Variants in JADE2 observed in about 807,000 individuals in gnomAD.
JADE2 encodes the protein jade family PHD finger 2.
JADE2 carries 13 observed loss-of-function variants against 85.7 expected under a neutral mutation model. The ratio of observed to expected loss-of-function variants is 0.15; its 90% CI spans 0.10 to 0.24. The LOEUF (loss-of-function observed/expected upper bound fraction) is 0.24. JADE2 is among the 10% of genes least tolerant of loss of function. The probability of loss-of-function intolerance (pLI) is 1.00; values close to 1 mark genes in which losing one functional copy is unlikely to be tolerated. For missense variants in JADE2, 846 were observed against 1,115.9 expected, an observed-to-expected ratio of 0.76 and a Z score of 3.45; for synonymous variants, 440 against 456.1, an observed-to-expected ratio of 0.96 and a Z score of 0.45.
upstream of JADE2, among the ~76,000 whole-genome samples, chr5:134,524,967 A>G (rs1356435847): frequency 6.6e-6 from 1 of 152,048 alleles, no homozygotes; most frequent in Non-Finnish European, 1.5e-5. Context: ...AGCGATTCAG[A>G]AGCAGGGCCT....
At chr5:134,568,541 C>T (rs1444081245) in intron 9 of JADE2, among the ~76,000 whole-genome samples, 3 of 152,182 alleles carry the variant, frequency 2.0e-5, no homozygotes, top group African/African-American at 7.2e-5. Context: ...CAGGTGTGAA[C>T]CGTCCCACTC....
rs202238589 is a variant in JADE2, at chr5:134,579,294, C to T, written c.2482C>T (p.Arg828Cys). 29 of 1,609,464 alleles carry T rather than the reference C, an allele frequency of 1.8e-5. No homozygotes were observed. The East Asian group carries it at 2.2e-4, about 12-fold the overall frequency. Residue 828 changes from arginine to cysteine, a missense_variant, in exon 12 of 12, where the codon CGC becomes TGC. Physicochemically the swap from Arg to Cys is radical, Grantham distance 180. Transcript: ENST00000681547. The surrounding 1 kb of genome is among the most constrained non-coding windows in gnomAD (Gnocchi z 4.6). ...PREAGAEEVV[R>C]MGVLAS is the part of the protein sequence containing the mutation. ...GGAGGCAGGGGCAGAGGAGGTGGTC[C>T]GCATGGGCGTACTGGCCTCCTAACT... is the stretch of plus-strand genomic sequence containing the variant.
At position 134,583,128 on chromosome 5, in the gene JADE2, GGGCTTCCAGACCCC is replaced by G. The variant is rs1361078823; in HGVS notation, c.*3815_*3828del. ...CCCATCCTGTCCTGCTCACTCATGG[GGGCTTCCAGACCCC>G]GGCCCCACCAGGGCTTGTGTCATAG... On this transcript the variant is annotated 3_prime_UTR_variant, in exon 12 of 12. Coordinates refer to ENST00000681547, the MANE Select transcript of JADE2 (RefSeq NM_001388185.1). 2 of 152,656 alleles carry G rather than the reference GGGCTTCCAGACCCC, an allele frequency of 1.3e-5. No individual in the cohort carries two copies. Among genetic ancestry groups the G allele is most frequent in the Non-Finnish European group, 2.9e-5 (2 of 68,082 alleles). 9.5% of individuals were successfully genotyped at this position (152,656 alleles called of 1,614,324 possible). A position where few individuals can be genotyped will look rare whatever the true frequency, so the allele number is the denominator to read the frequency against.
intron 4 of JADE2, among the ~76,000 whole-genome samples, chr5:134,557,268 A>ATTTTTTTTTTTTTTTTT (rs59125974): frequency 7.3e-6 from 1 of 137,902 alleles, no homozygotes; most frequent in South Asian, 2.3e-4. Flanking sequence ...TTATTTTTTT[A>ATTTTTTTTTTTTTTTTT]TTTTTTTTTT....
chr5:134,555,886 G>A (rs769756493), intron 4 of JADE2, among the ~76,000 whole-genome samples: 16 of 152,186 alleles, frequency 1.1e-4, no homozygotes, highest in Non-Finnish European at 2.2e-4. Flanking sequence ...CTTCCTTCAT[G>A]TGGGCCTCTT....
chr5:134,562,147 C>T lies in JADE2; in HGVS notation c.685-53C>T. ...GGACCAAATGCAGCTGACTGCTGAC[C>T]AGACACAGATTGGCCAGTTCCGCTG... On this transcript the variant is annotated intron_variant, in intron 6 of 11. Coordinates refer to ENST00000681547, the MANE Select transcript of JADE2 (RefSeq NM_001388185.1). This position sits in a 1 kb window ranked among gnomAD's most constrained non-coding sequence, Gnocchi z 4.6. The T allele has an allele frequency of 1.3e-6, 2 of 1,538,158 alleles. No homozygotes were observed. The highest frequency in any genetic ancestry group is 1.8e-6 in the Non-Finnish European group (2 of 1,135,660).
At chr5:134,525,430 G>C (rs1013859239), upstream of JADE2, among the ~76,000 whole-genome samples, 3 of 151,720 alleles carry the variant, frequency 2.0e-5, no homozygotes, top group African/African-American at 7.3e-5. Flanking sequence ...GGCTGCGAGG[G>C]AGGGCACCCT....
chr5:134,563,566 C>T (rs1317296143), intron 7 of JADE2, among the ~76,000 whole-genome samples: 1 of 152,248 alleles, frequency 6.6e-6, no homozygotes, highest in Non-Finnish European at 1.5e-5. Context: ...GCTGTGTGGA[C>T]TGACTCAGAT....
Position 134,578,825 on chromosome 5 carries a change from G to T in JADE2, c.2013G>T (p.Lys671Asn). ...CGACTCCAGACAAAGCCCCCAAGAA[G>T]ACCTGGGGCCAGGATGCAGGCAGTG... is the stretch of plus-strand genomic sequence containing the variant. ...SRTTPDKAPK[K>N]TWGQDAGSGK... The change falls in exon 12 of 12, where the codon AAG becomes AAT. Residue 671 changes from lysine (K) to asparagine (N), a missense_variant. Physicochemically the swap from Lys to Asn is moderately conservative, Grantham distance 94. This residue lies in a region of JADE2 where 300 missense variants were observed against 300.7 expected (regional missense o/e 1.00). Coordinates refer to ENST00000681547, the MANE Select transcript of JADE2 (RefSeq NM_001388185.1). The surrounding 1 kb of genome is among the most constrained non-coding windows in gnomAD (Gnocchi z 4.4). 1 of 1,613,808 alleles carries T rather than the reference G, an allele frequency of 6.2e-7. No individual in the cohort carries two copies. Among genetic ancestry groups the T allele is most frequent in the African/African-American group, 1.3e-5 (1 of 75,052 alleles).
upstream of JADE2, among the ~76,000 whole-genome samples, chr5:134,525,093 G>A (rs1173150637): frequency 6.6e-6 from 1 of 152,012 alleles, no homozygotes; most frequent in Non-Finnish European, 1.5e-5. Context: ...TCTTTTTGAC[G>A]CAGGGAGAAA....
intron 3 of JADE2, among the ~76,000 whole-genome samples, chr5:134,547,430 G>A (rs1419016899): frequency 1.3e-5 from 2 of 152,252 alleles, no homozygotes; most frequent in Non-Finnish European, 2.9e-5. Context: ...CCAAAAGAGA[G>A]AAAAATAGTA....
intron 3 of JADE2, among the ~76,000 whole-genome samples, chr5:134,541,958 T>A (rs1761988132): frequency 6.6e-6 from 1 of 152,252 alleles, no homozygotes; most frequent in South Asian, 2.1e-4. Context: ...CCTTGCCCAA[T>A]GGCTGGCCCT....
chr5:134,564,688 C>T (rs1581462134), intron 8 of JADE2, 78 bp downstream of exon 8: 2 of 889,904 alleles, frequency 2.2e-6, no homozygotes, highest in African/African-American at 1.7e-5. Context: ...CAGCTGCCAC[C>T]ACCTTCTCCC....
chr5:134,564,856 G>A (rs1461494410), intron 8 of JADE2, among the ~76,000 whole-genome samples: 3 of 152,188 alleles, frequency 2.0e-5, no homozygotes, highest in East Asian at 1.9e-4. Flanking sequence ...GGAGTGCTGA[G>A]AACTCTGGCT....
At position 134,578,475 on chromosome 5, in the gene JADE2, G is replaced by A; in HGVS notation, c.1682-19G>A. 6.5e-7 allele frequency: 1 copy of A among 1,543,052 alleles called. No individual in the cohort carries two copies. Among genetic ancestry groups the A allele is most frequent in the Non-Finnish European group, 8.8e-7 (1 of 1,137,384 alleles). On this transcript the variant is annotated intron_variant, in intron 11 of 11. Coordinates refer to ENST00000681547, the MANE Select transcript of JADE2 (RefSeq NM_001388185.1). This position sits in a 1 kb window ranked among gnomAD's most constrained non-coding sequence, Gnocchi z 4.4. ...ACACACGTCTGCTGGCGTCTCACTT[G>A]CCTCCTCTCTCCCCTCAGCAGGCCT...
intron 4 of JADE2, 138 bp from the exon 5 acceptor site, chr5:134,559,692 T>C: frequency 1.4e-6 from 1 of 729,066 alleles, no homozygotes; most frequent in East Asian, 2.9e-5. Context: ...AAGGAGGGGG[T>C]GGAAGGAGGT....
chr5:134,525,191 G>GGCGCCGCCCGGGTCTGGGGC (rs1760722748), upstream of JADE2, among the ~76,000 whole-genome samples: 1 of 151,876 alleles, frequency 6.6e-6, no homozygotes, highest in Non-Finnish European at 1.5e-5. Context: ...GGTTGCGGGG[G>GGCGCCGCCCGGGTCTGGGGC]GCGCCGCCCG....
At chr5:134,549,154 G>C (rs1229336888) in intron 3 of JADE2, among the ~76,000 whole-genome samples, 1 of 152,186 alleles carries the variant, frequency 6.6e-6, no homozygotes, top group East Asian at 1.9e-4. Flanking sequence ...GGGTGAGATG[G>C]AAAGTGGCTC....
upstream of JADE2, chr5:134,525,593 GCCCCCACCCCA>G (rs1760746606): frequency 9.3e-5 from 6 of 64,560 alleles, no homozygotes; most frequent in African/African-American, 3.5e-4. Context: ...CCTCCTGCCC[GCCCCCACCCCA>G]CCCCCACCCC....
Sources: gnomAD v4.1 joint callset for allele counts (sites outside exome capture counted in the v4.1 genomes callset) on GRCh38, gnomAD v4.1.1 for gene constraint, gnomAD v4.1.1 regional missense constraint, Gnocchi (gnomAD v3.1) non-coding constraint, MANE v1.5 for transcripts, NCBI Gene and HGNC (gene_info 2026-07-23, HGNC 2026-07-21) for gene names.